MTSS1: variants seen among roughly 807,000 people sequenced by gnomAD.
MTSS1 encodes protein MTSS 1.
Under a neutral mutation model 79.0 loss-of-function variants are expected in MTSS1, and 18 were observed. The ratio of observed to expected loss-of-function variants is 0.23; its 90% confidence interval spans 0.16 to 0.34. The LOEUF (loss-of-function observed/expected upper bound fraction) is 0.34, where lower values mean the gene tolerates loss of function less well. MTSS1 is among the 10% of genes least tolerant of loss of function. The pLI is 1.00. For missense variants in MTSS1, 815 were observed against 986.2 expected (o/e 0.83, Z 2.33); for synonymous variants, 341 against 368.6 (o/e 0.93, Z 0.86).
intron 3 of MTSS1, among the ~76,000 whole-genome samples, chr8:124,693,264 G>A (rs1828253543): frequency 2.6e-5 from 4 of 152,254 alleles, no homozygotes; most frequent in Middle Eastern, 3.4e-3. Context: ...AGATGTCATC[G>A]GACAGGTGGG....
At chr8:124,684,722 A>G (rs1224990786) in intron 3 of MTSS1, among the ~76,000 whole-genome samples, 1 of 152,214 alleles carries the variant, frequency 6.6e-6, no homozygotes, top group Non-Finnish European at 1.5e-5. Flanking sequence ...ATAAGCTACA[A>G]AGTTAGGTTT....
chr8:124,667,373 G>A (rs973885101), intron 3 of MTSS1, among the ~76,000 whole-genome samples: 2 of 152,224 alleles, frequency 1.3e-5, no homozygotes, highest in Admixed American at 1.3e-4. Flanking sequence ...GGCCGGGCGT[G>A]GTGGCTCATG....
rs1830165020 is a variant in MTSS1 at position 124,582,200 on chromosome 8, C to T, written c.460+2887G>A. On this transcript the variant is annotated intron_variant, in intron 6 of 13. Coordinates refer to ENST00000518547, the MANE Select transcript of MTSS1 (RefSeq NM_014751.6). This position sits in a 1 kb window ranked among gnomAD's most constrained non-coding sequence, Gnocchi z 4.8. ...TTCAAGAAAAACAGGCACACTCATC[C>T]ACAGCCATAGCATATCCCAAGCTGC... Among the ~76,000 whole-genome samples, 1 of 152,188 alleles carries T rather than the reference C, an allele frequency of 6.6e-6. No homozygotes were observed. Among genetic ancestry groups the T allele is most frequent in the African/African-American group, 2.4e-5 (1 of 41,444 alleles).
chr8:124,650,236 G>A (rs1229294503), intron 3 of MTSS1, among the ~76,000 whole-genome samples: 1 of 152,126 alleles, frequency 6.6e-6, no homozygotes, highest in Non-Finnish European at 1.5e-5. Flanking sequence ...TCACCATGTT[G>A]GCCAGATTGG....
intron 6 of MTSS1, among the ~76,000 whole-genome samples, chr8:124,575,023 T>C (rs1400182138): frequency 1.3e-5 from 2 of 152,132 alleles, no homozygotes; most frequent in Non-Finnish European, 2.9e-5. Flanking sequence ...CATCTGACAA[T>C]TGCTTGTATC....
chr8:124,648,164 C>T (rs925404019), intron 3 of MTSS1, among the ~76,000 whole-genome samples: 3 of 152,156 alleles, frequency 2.0e-5, no homozygotes, highest in African/African-American at 7.2e-5. Context: ...GAGGAAAAAA[C>T]TGGGGCAAAA....
intron 9 of MTSS1, chr8:124,564,945 GA>G (rs1256421307): frequency 6.6e-6 from 1 of 152,230 alleles, no homozygotes; most frequent in Non-Finnish European, 1.5e-5. Flanking sequence ...ATTTGGCTTT[GA>G]AAGTTAAATT....
chr8:124,588,354 C>T (rs1831231210), intron 5 of MTSS1, among the ~76,000 whole-genome samples: 3 of 152,188 alleles, frequency 2.0e-5, no homozygotes, highest in Non-Finnish European at 4.4e-5. Context: ...CACACTCATC[C>T]TTCTGTAGCC....
At chr8:124,578,911 G>T (rs906096904) in intron 6 of MTSS1, among the ~76,000 whole-genome samples, 1 of 152,082 alleles carries the variant, frequency 6.6e-6, no homozygotes, top group African/African-American at 2.4e-5. Context: ...AATAATTAAA[G>T]AATTATTTTT....
rs561130258 is a variant in MTSS1, at chr8:124,633,523, C to T, written c.209-42288G>A. Reference sequence around the variant, plus strand: ...AGTGGGTTTACGCTTGTAATCCCCGCACTTTGGGAGGTCGAGGCGGGTGGG... The same window carrying T: ...AGTGGGTTTACGCTTGTAATCCCCGTACTTTGGGAGGTCGAGGCGGGTGGG... On this transcript the variant is annotated intron_variant, in intron 3 of 13. Transcript: ENST00000518547. 3.9e-4 allele frequency among the ~76,000 whole-genome samples: 60 copies of T among 152,058 alleles called. 1 individual carries two copies. In the South Asian group the frequency reaches 0.011, roughly 27 times the overall value.
At chr8:124,720,476 AACT>A (rs1163264305) in intron 1 of MTSS1, among the ~76,000 whole-genome samples, 1 of 152,176 alleles carries the variant, frequency 6.6e-6, no homozygotes, top group Admixed American at 6.5e-5. Context: ...CTAATAAAGC[AACT>A]TTCCCTCCCC....
intron 3 of MTSS1, among the ~76,000 whole-genome samples, chr8:124,677,585 G>T (rs1242117833): frequency 1.3e-4 from 19 of 151,922 alleles, no homozygotes. Flanking sequence ...TTAGCTCATG[G>T]GCCAATAGCA....
At chr8:124,592,376 GT>G (rs1472509559) in intron 3 of MTSS1, among the ~76,000 whole-genome samples, 2 of 152,192 alleles carry the variant, frequency 1.3e-5, no homozygotes, top group African/African-American at 4.8e-5. Context: ...AAACACTGGT[GT>G]TTGTGAATTT....
At chr8:124,596,088 A>C (rs1227425273) in intron 3 of MTSS1, among the ~76,000 whole-genome samples, 1 of 152,220 alleles carries the variant, frequency 6.6e-6, no homozygotes, top group Non-Finnish European at 1.5e-5. Flanking sequence ...CTGTGGACAG[A>C]AGAGAAAGGG....
intron 3 of MTSS1, among the ~76,000 whole-genome samples, chr8:124,612,642 G>C (rs1256615171): frequency 2.0e-5 from 3 of 150,404 alleles, no homozygotes; most frequent in Non-Finnish European, 4.4e-5. Flanking sequence ...GTACGAGAGA[G>C]AAAGAGAGAC....
chr8:124,724,582 C>T (rs1719004013), intron 1 of MTSS1, among the ~76,000 whole-genome samples: 1 of 152,188 alleles, frequency 6.6e-6, no homozygotes. Context: ...TTTCAGACAT[C>T]CAACTTTGTT....
chr8:124,710,833 G>A (rs558862054), intron 1 of MTSS1, among the ~76,000 whole-genome samples: 1 of 152,186 alleles, frequency 6.6e-6, no homozygotes, highest in Non-Finnish European at 1.5e-5. Flanking sequence ...AACTGCCAGA[G>A]AAAGGGCAAC....
At chr8:124,563,074 G>T in intron 9 of MTSS1, 82 bp from the exon 10 acceptor site, 1 of 1,221,354 alleles carries the variant, frequency 8.2e-7, no homozygotes, top group Admixed American at 2.1e-5. Flanking sequence ...AGGAAGGAGG[G>T]GAACAGATGA....
chr8:124,692,707 C>G (rs1828151879), intron 3 of MTSS1, among the ~76,000 whole-genome samples: 1 of 152,168 alleles, frequency 6.6e-6, no homozygotes, highest in Non-Finnish European at 1.5e-5. Context: ...CACCAAGATT[C>G]AAATTCTGAA....
Sources: allele counts gnomAD v4.1 joint callset (sites outside exome capture counted in the v4.1 genomes callset), GRCh38; gene constraint gnomAD v4.1.1; non-coding constraint Gnocchi (gnomAD v3.1); transcripts MANE v1.5; gene names NCBI Gene and HGNC (gene_info 2026-07-23, HGNC 2026-07-21).